EEIG1: variants seen among roughly 807,000 people sequenced by gnomAD.
EEIG1 encodes early estrogen-induced gene 1 protein.
chr9:127,976,829 T>C, the EEIG1 span, among the ~76,000 whole-genome samples: 2 of 152,004 alleles, frequency 1.3e-5, no homozygotes, highest in African/African-American at 4.8e-5. This position sits in a 1 kb window ranked among gnomAD's most constrained non-coding sequence, Gnocchi z 4.1. Flanking sequence ...ACCAGGTCTC[T>C]GGGCCATCTC....
chr9:127,980,638 CG>C, the EEIG1 span: 1 of 150,434 alleles, frequency 6.6e-6, no homozygotes, highest in Non-Finnish European at 1.5e-5. Flanking sequence ...CTCACGCCCC[CG>C]CACCTGGGTG....
chr9:127,947,912 ACAAGGTGAT>A, the EEIG1 span, among the ~76,000 whole-genome samples: 30 of 152,150 alleles, frequency 2.0e-4, no homozygotes, highest in Non-Finnish European at 3.2e-4. Flanking sequence ...GCCAGCACGC[ACAAGGTGAT>A]CAGGTCTCAT....
the EEIG1 span, among the ~76,000 whole-genome samples, chr9:127,951,934 C>T: frequency 4.0e-4 from 61 of 152,296 alleles, no homozygotes; most frequent in African/African-American, 1.4e-3. Flanking sequence ...ATCAGCACCA[C>T]GTCCAGCCAC....
At chr9:127,963,212 G>A in the EEIG1 span, among the ~76,000 whole-genome samples, 4 of 152,358 alleles carry the variant, frequency 2.6e-5, no homozygotes, top group African/African-American at 4.8e-5. Flanking sequence ...AAGGGTATGG[G>A]TTAGGAAGGC....
the EEIG1 span, chr9:127,945,814 C>A: frequency 8.4e-7 from 1 of 1,190,582 alleles, no homozygotes; most frequent in Non-Finnish European, 1.2e-6. The surrounding 1 kb of genome is among the most constrained non-coding windows in gnomAD (Gnocchi z 6.5). Flanking sequence ...TGCTCACTGT[C>A]GCCCTTCACA....
chr9:127,953,724 A>C, the EEIG1 span: 9,117 of 1,610,796 alleles, frequency 5.7e-3, 37 homozygotes, highest in Non-Finnish European at 7.2e-3. Flanking sequence ...AACTCACCCC[A>C]TTTTCAGCTG....
the EEIG1 span, among the ~76,000 whole-genome samples, chr9:127,965,471 C>T: frequency 2.0e-5 from 3 of 152,172 alleles, no homozygotes; most frequent in African/African-American, 7.2e-5. Context: ...TGTGGAACTC[C>T]AGGTTCCAGC....
the EEIG1 span, among the ~76,000 whole-genome samples, chr9:127,960,425 C>A: frequency 1.3e-5 from 2 of 152,152 alleles, no homozygotes; most frequent in African/African-American, 4.8e-5. Context: ...CTCTGTCTTG[C>A]CCCCGTGGAC....
chr9:127,957,300 T>C, the EEIG1 span, among the ~76,000 whole-genome samples: 1 of 149,826 alleles, frequency 6.7e-6, no homozygotes, highest in Non-Finnish European at 1.5e-5. Context: ...ACAAGATCAA[T>C]ATACAAAAAT....
the EEIG1 span, among the ~76,000 whole-genome samples, chr9:127,954,902 G>T: frequency 6.6e-6 from 1 of 152,200 alleles, no homozygotes; most frequent in African/African-American, 2.4e-5. Flanking sequence ...TTGTGCCCTG[G>T]GAGTGAGTGG....
chr9:127,951,742 G>A, the EEIG1 span, among the ~76,000 whole-genome samples: 7 of 151,588 alleles, frequency 4.6e-5, no homozygotes, highest in Non-Finnish European at 8.8e-5. Flanking sequence ...GCGTGAACCC[G>A]GGAGGCGGAG....
chr9:127,963,924 C>T, the EEIG1 span, among the ~76,000 whole-genome samples: 1 of 152,184 alleles, frequency 6.6e-6, no homozygotes, highest in Non-Finnish European at 1.5e-5. Flanking sequence ...GTGAACAGAG[C>T]AGGCTGGGGG....
At chr9:127,944,271 G>A in the EEIG1 span, 1 of 401,308 alleles carries the variant, frequency 2.5e-6, no homozygotes, top group Non-Finnish European at 4.6e-6. Flanking sequence ...TTCTTCCCGA[G>A]TCCCTGGAGC....
the EEIG1 span, among the ~76,000 whole-genome samples, chr9:127,960,902 C>A: frequency 6.6e-6 from 1 of 152,166 alleles, no homozygotes; most frequent in Admixed American, 6.5e-5. Flanking sequence ...TGAACAATCA[C>A]CTATTGGAAG....
chr9:127,974,927 T>G, the EEIG1 span, among the ~76,000 whole-genome samples: 1 of 152,100 alleles, frequency 6.6e-6, no homozygotes, highest in Admixed American at 6.5e-5. Context: ...GCCCTGCCAA[T>G]CTAAGAATCC....
At chr9:127,947,362 G>A in the EEIG1 span, among the ~76,000 whole-genome samples, 2 of 152,074 alleles carry the variant, frequency 1.3e-5, no homozygotes, top group African/African-American at 2.4e-5. Context: ...CTTGAACCTG[G>A]GAGGCAGAGG....
At chr9:127,976,621 A>C in the EEIG1 span, among the ~76,000 whole-genome samples, 1 of 152,198 alleles carries the variant, frequency 6.6e-6, no homozygotes, top group Non-Finnish European at 1.5e-5. This position sits in a 1 kb window ranked among gnomAD's most constrained non-coding sequence, Gnocchi z 4.1. Context: ...CGCTGCTCTC[A>C]AGGAGGCCTC....
At chr9:127,956,732 T>TTATTATTA in the EEIG1 span, among the ~76,000 whole-genome samples, 1 of 149,410 alleles carries the variant, frequency 6.7e-6, no homozygotes, top group Admixed American at 6.7e-5. Context: ...TATTATTATT[T>TTATTATTA]GAGACAGAGT....
At chr9:127,980,250 G>A in the EEIG1 span, 1 of 1,224,296 alleles carries the variant, frequency 8.2e-7, no homozygotes, top group Non-Finnish European at 1.1e-6. Context: ...ATCCCGCCCT[G>A]ATGGTGGCGG....
Sources: allele counts gnomAD v4.1 joint callset (sites outside exome capture counted in the v4.1 genomes callset), GRCh38; gene constraint gnomAD v4.1.1; non-coding constraint Gnocchi (gnomAD v3.1); transcripts MANE v1.5; gene names NCBI Gene and HGNC (gene_info 2026-07-23, HGNC 2026-07-21).